The following RBPJ variants were observed in gnomAD, a reference collection of about 807,000 sequenced individuals.
RBPJ encodes recombining binding protein suppressor of hairless.
A neutral mutation model predicts 67.8 loss-of-function variants in RBPJ; 9 were observed. The observed-to-expected ratio is 0.13, with a 90% confidence interval of 0.08 to 0.23. The LOEUF (loss-of-function observed/expected upper bound fraction) is 0.23, where lower values mean the gene tolerates loss of function less well. RBPJ is among the 10% of genes least tolerant of loss of function. RBPJ has a pLI of 1.00. For synonymous variants in RBPJ, 198 were observed against 203.3 expected (o/e 0.97, Z 0.22); for missense variants, 305 against 595.6 (o/e 0.51, Z 5.08).
intron 1 of RBPJ, among the ~76,000 whole-genome samples, chr4:26,286,320 A>G (rs930167442): frequency 2.6e-5 from 4 of 152,072 alleles, no homozygotes; most frequent in Non-Finnish European, 4.4e-5. Context: ...CTCTTTAAAA[A>G]TAAAAAATTA....
upstream of RBPJ, among the ~76,000 whole-genome samples, chr4:26,316,502 TATATATTC>T (rs368989004): frequency 4.4e-3 from 249 of 56,154 alleles, 2 homozygotes; most frequent in African/African-American, 0.012. Context: ...TATATATTCA[TATATATTC>T]ATATATATTC....
In RBPJ at chr4:26,420,741, T is replaced by C; in HGVS notation, c.496+16T>C. The C allele has an allele frequency of 6.4e-7, 1 of 1,567,880 alleles. No individual in the cohort carries two copies. The highest frequency in any genetic ancestry group is 8.6e-7 in the Non-Finnish European group (1 of 1,157,146). ...AATGCTGACTGTATGTATGCTTTTC[T>C]TATTTATCCCCAACTGCCACCATGA... On this transcript the variant is annotated intron_variant, in intron 5 of 10. Transcript: ENST00000355476.
At chr4:26,149,433 G>A in the RBPJ span, among the ~76,000 whole-genome samples, 1 of 152,184 alleles carries the variant, frequency 6.6e-6, no homozygotes, top group Non-Finnish European at 1.5e-5. Context: ...TACTTTCAAG[G>A]TATCCGTGAG....
intron 1 of RBPJ, among the ~76,000 whole-genome samples, chr4:26,275,614 AG>A: frequency 7.1e-6 from 1 of 141,452 alleles, no homozygotes; most frequent in Non-Finnish European, 1.6e-5. Context: ...TCCAAATCAT[AG>A]GTTTTTTGTT....
intron 1 of RBPJ, among the ~76,000 whole-genome samples, chr4:26,285,046 G>A (rs1167520090): frequency 2.6e-5 from 4 of 151,716 alleles, no homozygotes; most frequent in African/African-American, 9.7e-5. Context: ...TAGTAGAGAT[G>A]AGGTTTCACC....
chr4:26,151,180 C>T, the RBPJ span, among the ~76,000 whole-genome samples: 2 of 152,158 alleles, frequency 1.3e-5, no homozygotes, highest in Non-Finnish European at 2.9e-5. Flanking sequence ...TGCCCGAAGA[C>T]TCAGTGCATT....
At chr4:26,253,887 C>T (rs1720203445) in intron 1 of RBPJ, among the ~76,000 whole-genome samples, 1 of 149,004 alleles carries the variant, frequency 6.7e-6, no homozygotes, top group Non-Finnish European at 1.5e-5. Context: ...AGATTTCACT[C>T]TCTCCGTTTA....
At chr4:26,353,298 C>T (rs988039687) in intron 1 of RBPJ, among the ~76,000 whole-genome samples, 5 of 152,236 alleles carry the variant, frequency 3.3e-5, no homozygotes. Flanking sequence ...AGCAAGGAAA[C>T]ATACATTGTA....
At chr4:26,343,443 T>C (rs1185535518) in intron 1 of RBPJ, among the ~76,000 whole-genome samples, 1 of 152,216 alleles carries the variant, frequency 6.6e-6, no homozygotes, top group African/African-American at 2.4e-5. Context: ...AAGATATAAA[T>C]ATTGGGTTAT....
chr4:26,193,539 C>G lies in RBPJ; in HGVS notation c.-167+29925C>G, dbSNP rs192508167. 3.9e-3 allele frequency among the ~76,000 whole-genome samples: 591 copies of G among 152,052 alleles called. 1 individual carries two copies. Among genetic ancestry groups the G allele is most frequent in the Middle Eastern group, 0.01 (3 of 294 alleles). On this transcript the variant is annotated intron_variant, in intron 1 of 4. Coordinates refer to the RBPJ transcript ENST00000512351. ...AAAACTTTCCCTTCCTGAACATTTT[C>G]CACTGGGTTTGAGCCCTGAATCTGC...
intron 1 of RBPJ, among the ~76,000 whole-genome samples, chr4:26,255,403 CAAAAAAAAAAA>C (rs766336628): frequency 5.8e-5 from 2 of 34,546 alleles, no homozygotes; most frequent in Admixed American, 7.3e-4. Flanking sequence ...GACTCCGTCT[CAAAAAAAAAAA>C]AAAAAAAAAA....
intron 1 of RBPJ, among the ~76,000 whole-genome samples, chr4:26,291,107 T>C (rs1721652735): frequency 6.6e-6 from 1 of 150,888 alleles, no homozygotes; most frequent in Non-Finnish European, 1.5e-5. Context: ...AAAATTAATG[T>C]GCATGGAAAA....
intron 1 of RBPJ, among the ~76,000 whole-genome samples, chr4:26,367,574 G>A (rs1728759363): frequency 6.6e-6 from 1 of 152,192 alleles, no homozygotes; most frequent in African/African-American, 2.4e-5. Context: ...AAAATTTAAA[G>A]TTGCAAAAAA....
rs141004394 is a variant in RBPJ, at chr4:26,242,412, A to G, written c.-167+78798A>G. Reference sequence around the variant, plus strand: ...CAGTGACAGGAGATTGCGCCGCTGTACTCCAGCCTGGACAACAGAGCGAGA... The same window carrying G: ...CAGTGACAGGAGATTGCGCCGCTGTGCTCCAGCCTGGACAACAGAGCGAGA... On this transcript the variant is annotated intron_variant, in intron 1 of 4. Transcript: ENST00000512351. 9.7e-3 allele frequency among the ~76,000 whole-genome samples: 1,449 copies of G among 149,196 alleles called. 17 individuals are homozygous for G. Among genetic ancestry groups the G allele is most frequent in the African/African-American group, 0.034 (1,378 of 40,470 alleles).
intron 1 of RBPJ, among the ~76,000 whole-genome samples, chr4:26,313,634 C>T (rs1722509808): frequency 6.6e-6 from 1 of 151,438 alleles, no homozygotes; most frequent in African/African-American, 2.4e-5. Context: ...CATGCCACTG[C>T]ATTCCAGCCT....
intron 1 of RBPJ, among the ~76,000 whole-genome samples, chr4:26,227,137 T>G (rs1163564653): frequency 6.6e-6 from 1 of 152,238 alleles, no homozygotes; most frequent in African/African-American, 2.4e-5. Context: ...GTCTGAGGGT[T>G]GGATCCAGCA....
At chr4:26,272,826 AC>A in intron 1 of RBPJ, 5 of 390,596 alleles carry the variant, frequency 1.3e-5, no homozygotes, top group South Asian at 9.7e-5. Context: ...TGCATAATGT[AC>A]TCATTGTTTA....
intron 1 of RBPJ, among the ~76,000 whole-genome samples, chr4:26,358,783 T>C (rs1035329402): frequency 6.6e-6 from 1 of 151,582 alleles, no homozygotes; most frequent in Non-Finnish European, 1.5e-5. Flanking sequence ...ATCTTGTCTC[T>C]TAAAAAAAAA....
At chr4:26,338,148 TTTTC>T (rs1325896296) in intron 1 of RBPJ, among the ~76,000 whole-genome samples, 1 of 148,382 alleles carries the variant, frequency 6.7e-6, no homozygotes, top group Non-Finnish European at 1.5e-5. Flanking sequence ...TTATGTGTAT[TTTTC>T]TTTCTTTTTT....
Sources: allele counts gnomAD v4.1 joint callset (sites outside exome capture counted in the v4.1 genomes callset), GRCh38; gene constraint gnomAD v4.1.1; transcripts MANE v1.5; gene names NCBI Gene and HGNC (gene_info 2026-07-23, HGNC 2026-07-21).